Variants in DAB1 observed in about 807,000 individuals in gnomAD.
DAB1 encodes disabled homolog 1.
DAB1 carries 15 observed loss-of-function variants against 64.6 expected under a neutral mutation model. The ratio of observed to expected loss-of-function variants is 0.23; its 90% CI spans 0.16 to 0.36. The LOEUF (loss-of-function observed/expected upper bound fraction) is 0.36. Ranked by LOEUF, DAB1 falls within the 10% of genes least tolerant of loss-of-function variation. The pLI is 1.00. For synonymous variants in DAB1, 235 were observed against 251.9 expected (o/e 0.93, Z 0.64); for missense variants, 596 against 706.7 (o/e 0.84, Z 1.78).
At chr1:57,504,373 A>G (rs1644321306) in intron 7 of DAB1, among the ~76,000 whole-genome samples, 4 of 152,204 alleles carry the variant, frequency 2.6e-5, no homozygotes, top group African/African-American at 9.7e-5. Flanking sequence ...AAAGTAAAAC[A>G]CACACATGCA....
chr1:57,982,214 T>C (rs1646083337), intron 5 of DAB1, among the ~76,000 whole-genome samples: 1 of 152,214 alleles, frequency 6.6e-6, no homozygotes, highest in Non-Finnish European at 1.5e-5. Flanking sequence ...CAGTATTCAT[T>C]GGGTGGGCAG....
chr1:57,805,450 C>T (rs1007664624), intron 6 of DAB1, among the ~76,000 whole-genome samples: 1 of 152,096 alleles, frequency 6.6e-6, no homozygotes, highest in African/African-American at 2.4e-5. Context: ...TGTGCTTTTC[C>T]CCAGGTTATT....
intron 7 of DAB1, among the ~76,000 whole-genome samples, chr1:57,487,096 A>G (rs1644102317): frequency 6.6e-6 from 1 of 152,146 alleles, no homozygotes; most frequent in Non-Finnish European, 1.5e-5. Context: ...GACACAGAAG[A>G]GCAAGCCAGA....
intron 4 of DAB1, among the ~76,000 whole-genome samples, chr1:58,264,537 C>T (rs1029252490): frequency 1.3e-5 from 2 of 152,146 alleles, no homozygotes; most frequent in Non-Finnish European, 2.9e-5. Flanking sequence ...TTGGTTTTCC[C>T]AATTGGTTGC....
intron 9 of DAB1, among the ~76,000 whole-genome samples, chr1:57,047,043 A>G (rs142822956): frequency 3.3e-5 from 5 of 152,186 alleles, no homozygotes; most frequent in Non-Finnish European, 5.9e-5. Context: ...ACCCTTTTTC[A>G]CTTTCAAGAG....
At chr1:57,291,582 T>G (rs1672779356) in intron 1 of DAB1, among the ~76,000 whole-genome samples, 1 of 152,258 alleles carries the variant, frequency 6.6e-6, no homozygotes, top group Non-Finnish European at 1.5e-5. Context: ...GCAGATCATA[T>G]GGAAGTAACC....
chr1:58,313,469 C>G (rs962414968), intron 4 of DAB1, among the ~76,000 whole-genome samples: 5 of 152,114 alleles, frequency 3.3e-5, no homozygotes, highest in African/African-American at 1.2e-4. Context: ...CCTTCTTCTC[C>G]TCAACTCTCT....
chr1:57,455,100 T>C (rs1686536264), intron 7 of DAB1, among the ~76,000 whole-genome samples: 2 of 152,062 alleles, frequency 1.3e-5, no homozygotes, highest in Admixed American at 1.3e-4. Flanking sequence ...GAAGTGCCAA[T>C]GGGATTTCAG....
chr1:58,372,388 G>A (rs1423042096), intron 3 of DAB1, among the ~76,000 whole-genome samples: 2 of 152,274 alleles, frequency 1.3e-5, no homozygotes, highest in African/African-American at 2.4e-5. Context: ...CTTATCCAAC[G>A]TCTGTACCCC....
At chr1:57,773,573 C>T (rs926013739) in intron 6 of DAB1, among the ~76,000 whole-genome samples, 7 of 151,922 alleles carry the variant, frequency 4.6e-5, no homozygotes, top group Admixed American at 2.6e-4. Flanking sequence ...TTGAGAAATA[C>T]GTATCTACCC....
At chr1:57,759,912 C>T (rs2101815802) in intron 6 of DAB1, among the ~76,000 whole-genome samples, 2 of 152,242 alleles carry the variant, frequency 1.3e-5, no homozygotes, top group South Asian at 4.1e-4. Flanking sequence ...TTCTGAATGA[C>T]TGCATACAAG....
intron 5 of DAB1, among the ~76,000 whole-genome samples, chr1:58,134,987 G>A (rs888856874): frequency 6.6e-6 from 1 of 152,204 alleles, no homozygotes; most frequent in African/African-American, 2.4e-5. Flanking sequence ...GCTTCATGTG[G>A]AGATGAGGTC....
intron 3 of DAB1, among the ~76,000 whole-genome samples, chr1:58,448,019 G>A (rs1645091038): frequency 6.6e-6 from 1 of 152,144 alleles, no homozygotes; most frequent in East Asian, 1.9e-4. Flanking sequence ...GCCACATGCA[G>A]CCTCATGCAA....
intron 7 of DAB1, among the ~76,000 whole-genome samples, chr1:57,546,517 T>C (rs919273551): frequency 1.3e-5 from 2 of 152,132 alleles, no homozygotes; most frequent in African/African-American, 4.8e-5. Context: ...TGAGCCTTAG[T>C]TTTTTCATCT....
At chr1:58,345,611 A>G (rs1442862274) in intron 3 of DAB1, among the ~76,000 whole-genome samples, 2 of 152,162 alleles carry the variant, frequency 1.3e-5, no homozygotes, top group African/African-American at 4.8e-5. Flanking sequence ...CATAAATCCA[A>G]CGGGAAGATT....
intron 3 of DAB1, among the ~76,000 whole-genome samples, chr1:58,481,858 C>A (rs780496213): frequency 6.6e-6 from 1 of 152,182 alleles, no homozygotes; most frequent in Non-Finnish European, 1.5e-5. Context: ...TCTCCTCATT[C>A]GCCTTCCACC....
chr1:58,357,127 T>C (rs1644119864), intron 3 of DAB1, among the ~76,000 whole-genome samples: 1 of 151,854 alleles, frequency 6.6e-6, no homozygotes, highest in Non-Finnish European at 1.5e-5. Flanking sequence ...CCATGACACA[T>C]GTTTTAAAAA....
intron 5 of DAB1, among the ~76,000 whole-genome samples, chr1:57,927,330 T>G (rs1330553065): frequency 6.6e-6 from 1 of 152,076 alleles, no homozygotes; most frequent in Non-Finnish European, 1.5e-5. Context: ...CCTTATTGAC[T>G]CTGCAGAAGG....
intron 2 of DAB1, among the ~76,000 whole-genome samples, chr1:57,156,001 C>A (rs745530427): frequency 6.6e-6 from 1 of 152,004 alleles, no homozygotes; most frequent in African/African-American, 2.4e-5. Context: ...AATTTGGATG[C>A]CCTAAGAATC....
Sources: gnomAD v4.1 joint callset for allele counts (sites outside exome capture counted in the v4.1 genomes callset) on GRCh38, gnomAD v4.1.1 for gene constraint, MANE v1.5 for transcripts, NCBI Gene and HGNC (gene_info 2026-07-23, HGNC 2026-07-21) for gene names.